The following ZFHX3 variants were observed in gnomAD, a reference collection of about 807,000 sequenced individuals.
ZFHX3 encodes zinc finger homeobox protein 3.
In ZFHX3, 42 loss-of-function variants were observed where a neutral mutation model predicts 279.1. The ratio of observed to expected loss-of-function variants is 0.15; its 90% CI spans 0.12 to 0.19. The LOEUF is 0.19. Ranked by LOEUF, ZFHX3 falls within the 10% of genes least tolerant of loss-of-function variation. The probability of loss-of-function intolerance (pLI) is 1.00; values close to 1 mark genes in which losing one functional copy is unlikely to be tolerated. For missense variants in ZFHX3, 4,981 were observed against 4,754.0 expected (o/e 1.05, Z -1.40); for synonymous variants, 2,293 against 1,957.8 (o/e 1.17, Z -4.52).
At chr16:73,803,349 G>C (rs1370255134) in intron 1 of ZFHX3, among the ~76,000 whole-genome samples, 1 of 152,142 alleles carries the variant, frequency 6.6e-6, no homozygotes, top group Non-Finnish European at 1.5e-5. Context: ...TGTCATTGTT[G>C]ACAAAACTTA....
intron 3 of ZFHX3, among the ~76,000 whole-genome samples, chr16:73,371,722 T>A (rs1039769986): frequency 6.6e-6 from 1 of 152,220 alleles, no homozygotes; most frequent in African/African-American, 2.4e-5. Context: ...ATATGGTTTC[T>A]TCATCCTCAT....
chr16:73,878,685 G>A (rs1385898267), intron 1 of ZFHX3, among the ~76,000 whole-genome samples: 1 of 151,334 alleles, frequency 6.6e-6, no homozygotes, highest in African/African-American at 2.4e-5. Flanking sequence ...GCGAAAACAA[G>A]ATTGTTATTT....
chr16:72,995,538 G>A lies in ZFHX3; in HGVS notation c.-49-35344C>T, dbSNP rs545391816. ...CTCCGATCACAACTACAACTACAGC[G>A]GTCATATTGCTCTCCCCAAGACCAG... On this transcript the variant is annotated intron_variant, in intron 1 of 9. Transcript: ENST00000268489. 1.6e-3 allele frequency among the ~76,000 whole-genome samples: 242 copies of A among 152,254 alleles called. 3 individuals carry two copies. Among genetic ancestry groups the A allele is most frequent in the African/African-American group, 5.2e-3 (214 of 41,552 alleles).
chr16:73,698,142 G>A lies in ZFHX3; in HGVS notation c.-1607-17902C>T, dbSNP rs989599228. Among the ~76,000 whole-genome samples the A allele has an allele frequency of 2.6e-4, 39 of 152,034 alleles. 1 individual carries two copies. Among genetic ancestry groups the A allele is most frequent in the Non-Finnish European group, 2.1e-4 (14 of 67,984 alleles). ...TTCTTAGTTTTGGTAATTGTACCAT[G>A]GTTATGGTACAATTCCCAATGGCCG... On this transcript the variant is annotated intron_variant, in intron 1 of 17. Coordinates refer to the ZFHX3 transcript ENST00000641206.
At chr16:73,462,130 T>C (rs2018482220) in intron 2 of ZFHX3, among the ~76,000 whole-genome samples, 1 of 152,194 alleles carries the variant, frequency 6.6e-6, no homozygotes, top group East Asian at 1.9e-4. Context: ...TGGTACATGA[T>C]GTATTTTTAA....
chr16:73,847,690 AG>A (rs1428206052), intron 1 of ZFHX3, among the ~76,000 whole-genome samples: 1 of 152,076 alleles, frequency 6.6e-6, no homozygotes, highest in Non-Finnish European at 1.5e-5. Flanking sequence ...GACAATGTAT[AG>A]GAAGTGCCCA....
intron 4 of ZFHX3, among the ~76,000 whole-genome samples, chr16:72,846,744 C>T (rs1290760433): frequency 2.0e-5 from 3 of 152,170 alleles, no homozygotes; most frequent in Non-Finnish European, 1.5e-5. Context: ...TGCAATATAT[C>T]AGTGCAGATA....
At chr16:73,646,815 G>C (rs995917364) in intron 2 of ZFHX3, among the ~76,000 whole-genome samples, 31 of 152,258 alleles carry the variant, frequency 2.0e-4, no homozygotes, top group African/African-American at 7.2e-4. Context: ...AATTGAAAAA[G>C]TTGTAAAAGA....
rs573731748 is a variant in ZFHX3 at position 73,040,493 on chromosome 16, G to A, written c.-50+7259C>T. Among the ~76,000 whole-genome samples the A allele has an allele frequency of 7.6e-4, 116 of 152,252 alleles. 1 individual carries two copies. The East Asian group carries it at 0.02, about 26-fold the overall frequency. On this transcript the variant is annotated intron_variant, in intron 1 of 9. Coordinates refer to ENST00000268489, the MANE Select transcript of ZFHX3 (RefSeq NM_006885.4). Reference sequence around the variant, plus strand: ...CAGCCGGGGAAGGCCTCTCTAGGTGGGTCATTGAGTAGGCTGCTCACTTGG... The same window carrying A: ...CAGCCGGGGAAGGCCTCTCTAGGTGAGTCATTGAGTAGGCTGCTCACTTGG...
chr16:72,844,434 C>T (rs1273506091), intron 4 of ZFHX3, among the ~76,000 whole-genome samples: 4 of 152,088 alleles, frequency 2.6e-5, no homozygotes, highest in African/African-American at 4.8e-5. Context: ...GCCTTCACAC[C>T]GCCCATGTTT....
intron 2 of ZFHX3, among the ~76,000 whole-genome samples, chr16:73,457,578 G>A (rs950084437): frequency 3.9e-5 from 6 of 152,122 alleles, no homozygotes; most frequent in Admixed American, 2.6e-4. Flanking sequence ...TTCAAGACCA[G>A]CCTGACCAAC....
intron 1 of ZFHX3, among the ~76,000 whole-genome samples, chr16:73,739,828 G>A (rs765466372): frequency 6.6e-6 from 1 of 152,112 alleles, no homozygotes; most frequent in African/African-American, 2.4e-5. Flanking sequence ...TCCTCCTTAA[G>A]GACATTTAGA....
intron 3 of ZFHX3, among the ~76,000 whole-genome samples, chr16:73,448,571 G>A (rs933633327): frequency 1.3e-5 from 2 of 151,714 alleles, no homozygotes; most frequent in African/African-American, 4.8e-5. Flanking sequence ...AAATAAGGAA[G>A]GTAATAGAAA....
chr16:72,816,409 C>T (rs936412755), intron 5 of ZFHX3, among the ~76,000 whole-genome samples: 5 of 152,268 alleles, frequency 3.3e-5, no homozygotes, highest in South Asian at 4.1e-4. Flanking sequence ...CGACTGAATG[C>T]GCTATAGATG....
At chr16:73,873,203 T>G (rs1597153152) in intron 1 of ZFHX3, among the ~76,000 whole-genome samples, 4 of 58,494 alleles carry the variant, frequency 6.8e-5, no homozygotes, top group Non-Finnish European at 1.2e-4. Context: ...TGGGTGGTGG[T>G]GGGTGGTAGT....
chr16:73,593,295 C>A (rs1388502440), intron 2 of ZFHX3, among the ~76,000 whole-genome samples: 5 of 151,940 alleles, frequency 3.3e-5, no homozygotes, highest in Non-Finnish European at 5.9e-5. Flanking sequence ...ACCTGGATGT[C>A]AAACCCTGAC....
chr16:73,063,304 C>T (rs959114844), upstream of ZFHX3, among the ~76,000 whole-genome samples: 1 of 152,214 alleles, frequency 6.6e-6, no homozygotes, highest in African/African-American at 2.4e-5. Flanking sequence ...TTTCTCCTGC[C>T]TCTGGAAATG....
At chr16:72,857,393 AAAT>A (rs1181634701) in intron 4 of ZFHX3, among the ~76,000 whole-genome samples, 3 of 152,248 alleles carry the variant, frequency 2.0e-5, no homozygotes, top group African/African-American at 7.2e-5. Context: ...GAAAAATAAA[AAAT>A]AAAGACTAAG....
At chr16:72,928,705 T>C (rs1597386278) in intron 3 of ZFHX3, among the ~76,000 whole-genome samples, 1 of 152,226 alleles carries the variant, frequency 6.6e-6, no homozygotes, top group Admixed American at 6.5e-5. Flanking sequence ...AGGCCAGATA[T>C]AGTGGCTCAG....
Sources: gnomAD v4.1 joint callset for allele counts (sites outside exome capture counted in the v4.1 genomes callset) on GRCh38, gnomAD v4.1.1 for gene constraint, MANE v1.5 for transcripts, NCBI Gene and HGNC (gene_info 2026-07-23, HGNC 2026-07-21) for gene names.